The following PHF19 variants were observed in gnomAD, a reference collection of about 807,000 sequenced individuals.
PHF19 encodes the protein polycomb like 3.
A neutral mutation model predicts 79.8 loss-of-function variants in PHF19; 21 were observed. The ratio of observed to expected loss-of-function variants is 0.26; its 90% CI spans 0.19 to 0.38. The LOEUF is 0.38. Ranked by LOEUF, PHF19 falls within the 10% of genes least tolerant of loss-of-function variation. The pLI, the probability that PHF19 is intolerant of heterozygous loss-of-function variation, is 1.00. For synonymous variants in PHF19, 273 were observed against 296.3 expected (o/e 0.92, Z 0.81); for missense variants, 445 against 744.2 (o/e 0.60, Z 4.68).
intron 1 of PHF19, among the ~76,000 whole-genome samples, chr9:120,893,380 T>G (rs1588141582): frequency 6.6e-6 from 1 of 152,148 alleles, no homozygotes; most frequent in Non-Finnish European, 1.5e-5. Flanking sequence ...CCCCTCTGAT[T>G]ATAGCAGTGA....
At chr9:120,861,360 T>C (rs930618694) in intron 12 of PHF19, among the ~76,000 whole-genome samples, 186 bp from the exon 13 acceptor site, 5 of 152,222 alleles carry the variant, frequency 3.3e-5, no homozygotes, top group African/African-American at 1.2e-4. Context: ...TGCCTTTGTC[T>C]CTAGCTGACT....
At chr9:120,861,879 T>A in intron 12 of PHF19, 39 bp downstream of exon 12, 1 of 1,385,468 alleles carries the variant, frequency 7.2e-7, no homozygotes. Context: ...GTGCTGACCC[T>A]GCGTATGAAA....
chr9:120,902,517 G>C, the PHF19 span: 2 of 144,738 alleles, frequency 1.4e-5, no homozygotes, highest in Non-Finnish European at 3.1e-5. Context: ...GGGGTGGGGG[G>C]GGGGGCGGTG....
At chr9:120,884,355 C>T (rs953821570) in intron 1 of PHF19, among the ~76,000 whole-genome samples, 6 of 152,138 alleles carry the variant, frequency 3.9e-5, no homozygotes, top group Non-Finnish European at 8.8e-5. Flanking sequence ...ATCCATGAGT[C>T]GATCCGCGTG....
chr9:120,869,025 C>T lies in PHF19; in HGVS notation c.614+157G>A, dbSNP rs2045804513. 1 of 744,544 alleles carries T rather than the reference C, an allele frequency of 1.3e-6. No homozygotes were observed. The highest frequency in any genetic ancestry group is 1.9e-6 in the Non-Finnish European group (1 of 521,726). 46.1% of individuals were successfully genotyped at this position (744,544 alleles called of 1,614,324 possible). The stretch of plus-strand genomic sequence containing the variant: ...CCCCGCGGCTGACACTCCAGGCCCG[C>T]CCCTCGAGGCCCCGCCCCCACAGCG... On this transcript the variant is annotated intron_variant, in intron 6 of 14. Coordinates refer to ENST00000373896, the MANE Select transcript of PHF19 (RefSeq NM_015651.3). The surrounding 1 kb of genome is among the most constrained non-coding windows in gnomAD (Gnocchi z 5.8).
chr9:120,883,470 C>T (rs1402593239), intron 1 of PHF19, among the ~76,000 whole-genome samples: 2 of 152,148 alleles, frequency 1.3e-5, no homozygotes, highest in South Asian at 4.1e-4. Context: ...CAGGAAGCTC[C>T]CGGTCCAGCC....
chr9:120,877,551 C>T (rs1215281645), upstream of PHF19, among the ~76,000 whole-genome samples: 1 of 151,998 alleles, frequency 6.6e-6, no homozygotes, highest in Non-Finnish European at 1.5e-5. Context: ...AGGCAGCGCT[C>T]ATGGCGCACA....
intron 14 of PHF19, among the ~76,000 whole-genome samples, chr9:120,859,611 A>G (rs1243889071): frequency 1.3e-5 from 2 of 152,154 alleles, no homozygotes; most frequent in Non-Finnish European, 2.9e-5. Flanking sequence ...TCCACCCTGC[A>G]GGATGCCATC....
In PHF19 at chr9:120,869,601, A is replaced by G; in HGVS notation, c.465+244T>C. 2.0e-6 allele frequency: 3 copies of G among 1,483,860 alleles called. No individual in the cohort carries two copies. The highest frequency in any genetic ancestry group is 2.7e-6 in the Non-Finnish European group (3 of 1,117,224). 91.9% of individuals were successfully genotyped at this position (1,483,860 alleles called of 1,614,324 possible). On this transcript the variant is annotated intron_variant, in intron 5 of 14. Transcript: ENST00000373896. The surrounding 1 kb of genome is among the most constrained non-coding windows in gnomAD (Gnocchi z 5.8). Reference sequence around the variant, plus strand: ...ATTTACATGGATTTTCTTTTTTAATAGTAAAGCATCATTTATTGGTCCCGT... The same window carrying G: ...ATTTACATGGATTTTCTTTTTTAATGGTAAAGCATCATTTATTGGTCCCGT...
upstream of PHF19, among the ~76,000 whole-genome samples, chr9:120,880,314 G>A (rs2046160184): frequency 6.6e-6 from 1 of 152,204 alleles, no homozygotes; most frequent in South Asian, 2.1e-4. Flanking sequence ...GATCAATATG[G>A]TGAAATCCCG....
At chr9:120,876,838 A>G in intron 1 of PHF19, 2 of 268,854 alleles carry the variant, frequency 7.4e-6, no homozygotes, top group Non-Finnish European at 1.1e-5. Flanking sequence ...CCCGATAGGA[A>G]AATTAAAGAT....
At position 120,891,916 on chromosome 9, in the gene PHF19, A is replaced by G. The variant is rs1000231413; in HGVS notation, c.42+2872T>C. Among the ~76,000 whole-genome samples, 1 of 152,128 alleles carries G rather than the reference A, an allele frequency of 6.6e-6. No individual in the cohort carries two copies. Among genetic ancestry groups the G allele is most frequent in the Non-Finnish European group, 1.5e-5 (1 of 68,014 alleles). On this transcript the variant is annotated intron_variant, in intron 1 of 14. Coordinates refer to the PHF19 transcript ENST00000616568. The surrounding 1 kb of genome is among the most constrained non-coding windows in gnomAD (Gnocchi z 4.3). ...ACACAAATGTGCCAGGGCTCAAAAC[A>G]TCCTAAAACAGGCTGCAAACCCCTG... is the stretch of plus-strand genomic sequence containing the variant.
At chr9:120,895,935 G>T (rs1292151703), upstream of PHF19, among the ~76,000 whole-genome samples, 2 of 152,186 alleles carry the variant, frequency 1.3e-5, no homozygotes. Flanking sequence ...TTACAGATGG[G>T]AGCCACTGCG....
In PHF19 at chr9:120,874,528, G is replaced by T. The variant is rs372133369; in HGVS notation, c.186+28C>A. ...ATGAGCAGAGAGATTCTGAGTCTGAGAACAGGGGCCAGAGAGGATGGGTTT... is the reference window on the plus strand; with the variant it reads ...ATGAGCAGAGAGATTCTGAGTCTGATAACAGGGGCCAGAGAGGATGGGTTT... On this transcript the variant is annotated intron_variant, in intron 2 of 14. Coordinates refer to ENST00000373896, the MANE Select transcript of PHF19 (RefSeq NM_015651.3). The surrounding 1 kb of genome is among the most constrained non-coding windows in gnomAD (Gnocchi z 4.5). 19 of 1,453,104 alleles carry T rather than the reference G, an allele frequency of 1.3e-5. 1 individual carries two copies. The Middle Eastern group carries it at 1.7e-3, about 134-fold the overall frequency. The allele number at this position is 1,453,104 out of a possible 1,614,324, so 90.0% of individuals were successfully genotyped here.
chr9:120,858,122 A>T lies in PHF19; in HGVS notation c.1565T>A (p.Phe522Tyr). 6.2e-7 allele frequency: 1 copy of T among 1,614,080 alleles called. No homozygotes were observed. The highest frequency in any genetic ancestry group is 2.2e-5 in the East Asian group (1 of 44,874). ...TGAGTCATCTTCACTGATGCTCTCA[A>T]ATGTGTGGCTGTCAATGCCTTCGTC... ...RPDEGIDSHT[F>Y]ESISEDDSSL... is the part of the protein sequence containing the mutation. The change falls in exon 15 of 15, where the codon TTT becomes TAT. Residue 522 changes from phenylalanine to tyrosine, a missense_variant. Phe to Tyr is a conservative substitution (Grantham distance 22). Coordinates refer to ENST00000373896, the MANE Select transcript of PHF19 (RefSeq NM_015651.3).
At chr9:120,901,535 C>G in the PHF19 span, among the ~76,000 whole-genome samples, 27 of 152,320 alleles carry the variant, frequency 1.8e-4, no homozygotes, top group African/African-American at 6.5e-4. Context: ...TCCCTGCCTC[C>G]TTGGGCCAAG....
At chr9:120,876,678 A>G (rs759525112) in intron 1 of PHF19, among the ~76,000 whole-genome samples, 20 of 152,174 alleles carry the variant, frequency 1.3e-4, no homozygotes, top group Non-Finnish European at 2.5e-4. Flanking sequence ...GATGTTCAGG[A>G]GGGGGGAAAA....
intron 1 of PHF19, 54 bp downstream of exon 1, chr9:120,877,037 A>T: frequency 1.0e-6 from 1 of 985,172 alleles, no homozygotes; most frequent in Non-Finnish European, 1.2e-6. Context: ...GAGAGGGATG[A>T]GGGCCGGGAG....
chr9:120,867,969 C>T (rs954548282), intron 6 of PHF19, among the ~76,000 whole-genome samples: 10 of 152,226 alleles, frequency 6.6e-5, no homozygotes, highest in Non-Finnish European at 1.3e-4. Flanking sequence ...AGACTCTTGC[C>T]GCAGAGCCAG....
Sources: gnomAD v4.1 joint callset for allele counts (sites outside exome capture counted in the v4.1 genomes callset) on GRCh38, gnomAD v4.1.1 for gene constraint, Gnocchi (gnomAD v3.1) non-coding constraint, MANE v1.5 for transcripts, NCBI Gene and HGNC (gene_info 2026-07-23, HGNC 2026-07-21) for gene names.